LRRC7: variants seen among roughly 807,000 people sequenced by gnomAD.
The protein encoded by LRRC7 is leucine rich repeat containing 7, also known as leucine-rich repeat-containing protein 7.
A neutral mutation model predicts 175.7 loss-of-function variants in LRRC7; 23 were observed. That is an observed-to-expected ratio of 0.13 (90% CI 0.09 to 0.19). LRRC7 has a LOEUF of 0.19. Ranked by LOEUF, LRRC7 falls within the 10% of genes least tolerant of loss-of-function variation. The pLI, the probability that LRRC7 is intolerant of heterozygous loss-of-function variation, is 1.00. For synonymous variants in LRRC7, 685 were observed against 680.9 expected, an observed-to-expected ratio of 1.01 and a Z score of -0.09; for missense variants, 1,354 against 1,904.7, an observed-to-expected ratio of 0.71 and a Z score of 5.38.
At chr1:69,609,327 T>C (rs191836986) in intron 1 of LRRC7, among the ~76,000 whole-genome samples, 56 of 152,030 alleles carry the variant, frequency 3.7e-4, no homozygotes, top group Admixed American at 2.6e-3. Flanking sequence ...TGATTTAATA[T>C]GTTAATCTAT....
In LRRC7 at chr1:69,933,575, A is replaced by G. The variant is rs577683403; in HGVS notation, c.711+2005A>G. ...CTCTCTAACTTCAACTTCCTTATCA[A>G]TACAGTAAGGGCATCAGTCTTCTCT... On this transcript the variant is annotated intron_variant, in intron 8 of 26. Coordinates refer to ENST00000651989, the MANE Select transcript of LRRC7 (RefSeq NM_001370785.2). Among the ~76,000 whole-genome samples, 14 of 152,296 alleles carry G rather than the reference A, an allele frequency of 9.2e-5. No individual in the cohort carries two copies. In the South Asian group the frequency reaches 2.7e-3, roughly 29 times the overall value.
intron 5 of LRRC7, among the ~76,000 whole-genome samples, chr1:69,832,948 T>C (rs1680691786): frequency 1.3e-5 from 2 of 152,042 alleles, no homozygotes; most frequent in East Asian, 3.9e-4. Context: ...CAACTAAAAA[T>C]ACAAAAATTA....
intron 7 of LRRC7, among the ~76,000 whole-genome samples, chr1:69,906,619 A>G (rs1646322256): frequency 1.3e-5 from 2 of 152,058 alleles, no homozygotes; most frequent in African/African-American, 4.8e-5. Context: ...ATTGATCTAT[A>G]TCTCTGTTTT....
chr1:69,679,009 A>C, intron 2 of LRRC7, among the ~76,000 whole-genome samples: 1 of 152,256 alleles, frequency 6.6e-6, no homozygotes, highest in Non-Finnish European at 1.5e-5. Context: ...GTTCTGAAAG[A>C]TAGATACCAT....
intron 25 of LRRC7, among the ~76,000 whole-genome samples, chr1:70,101,453 A>G (rs1571327377): frequency 6.6e-6 from 1 of 152,342 alleles, no homozygotes; most frequent in East Asian, 1.9e-4. Flanking sequence ...TACATTTACA[A>G]TGGCTGAGAC....
chr1:70,046,681 A>G (rs914316374), intron 22 of LRRC7, among the ~76,000 whole-genome samples: 5 of 152,136 alleles, frequency 3.3e-5, no homozygotes, highest in African/African-American at 1.2e-4. Context: ...CCAATGCAGG[A>G]ACCTTATCAG....
rs1172781241 is a variant in LRRC7, at chr1:69,803,511, TG to T, written c.421+11352del. On this transcript the variant is annotated intron_variant, in intron 4 of 26. Coordinates refer to ENST00000651989, the MANE Select transcript of LRRC7 (RefSeq NM_001370785.2). The stretch of plus-strand genomic sequence containing the variant: ...ACTTTAAGTTGTTAGCTTTACAAAT[TG>T]TATCACTTTTTAAGAAATGCATTTT... Among the ~76,000 whole-genome samples the T allele has an allele frequency of 2.0e-5, 3 of 151,546 alleles. No homozygotes were observed. In the East Asian group the frequency reaches 5.8e-4, roughly 29 times the overall value.
chr1:70,031,676 A>G (rs1321910003), intron 18 of LRRC7, among the ~76,000 whole-genome samples: 1 of 152,206 alleles, frequency 6.6e-6, no homozygotes. Flanking sequence ...ATCTTCTCAC[A>G]GCTAGGAATC....
intron 7 of LRRC7, chr1:69,920,276 C>T (rs1646850228): frequency 6.6e-6 from 1 of 151,726 alleles, no homozygotes; most frequent in Admixed American, 6.6e-5. Context: ...CTCTGAGCAA[C>T]TTTGCAGCAC....
intron 7 of LRRC7, 97 bp downstream of exon 7, chr1:69,838,380 G>A (rs1467466038): frequency 3.0e-6 from 3 of 988,012 alleles, no homozygotes; most frequent in Non-Finnish European, 4.7e-6. Flanking sequence ...GGCACTTTGA[G>A]TTAATTTATC....
intron 10 of LRRC7, among the ~76,000 whole-genome samples, chr1:69,990,606 T>G (rs1226762547): frequency 6.6e-6 from 1 of 152,100 alleles, no homozygotes; most frequent in Non-Finnish European, 1.5e-5. Context: ...AACTTTAGAA[T>G]TTGCATGATA....
intron 23 of LRRC7, among the ~76,000 whole-genome samples, chr1:70,075,627 C>T (rs996267054): frequency 2.0e-4 from 31 of 152,174 alleles, no homozygotes; most frequent in African/African-American, 7.5e-4. Flanking sequence ...ATTGGTTTTA[C>T]TCATCTGAAC....
rs545710944 is a variant in LRRC7 at position 69,636,306 on chromosome 1, T to C, written c.3-42075T>C. 1.5e-4 allele frequency among the ~76,000 whole-genome samples: 23 copies of C among 152,092 alleles called. No homozygotes were observed. In the East Asian group the frequency reaches 4.3e-3, roughly 28 times the overall value. On this transcript the variant is annotated intron_variant, in intron 1 of 26. Coordinates refer to ENST00000651989, the MANE Select transcript of LRRC7 (RefSeq NM_001370785.2). Reference sequence around the variant, plus strand: ...AGTTTCATCTGTTAGGCATTTTTCTTAGGCAAAATGAGAATTCAAAGTCCA... The same window carrying C: ...AGTTTCATCTGTTAGGCATTTTTCTCAGGCAAAATGAGAATTCAAAGTCCA...
intron 5 of LRRC7, among the ~76,000 whole-genome samples, chr1:69,827,079 G>GA (rs932826917): frequency 3.3e-5 from 5 of 151,260 alleles, no homozygotes; most frequent in Admixed American, 2.0e-4. Context: ...AATAGGGAGG[G>GA]AAAAAAAAGA....
chr1:69,928,803 C>T (rs897790392), intron 7 of LRRC7, among the ~76,000 whole-genome samples: 3 of 152,182 alleles, frequency 2.0e-5, no homozygotes, highest in East Asian at 1.9e-4. Context: ...GTGCACAGTG[C>T]GCTGCGCCCA....
chr1:69,632,789 A>G lies in LRRC7; in HGVS notation c.3-45592A>G, dbSNP rs1340891449. 2.6e-5 allele frequency among the ~76,000 whole-genome samples: 4 copies of G among 152,172 alleles called. No individual in the cohort carries two copies. In the South Asian group the frequency reaches 8.3e-4, roughly 31 times the overall value. On this transcript the variant is annotated intron_variant, in intron 1 of 26. Transcript: ENST00000651989. ...GACTAGAATAATGACTATATATGGG[A>G]TTAATGAATAAATATGTAATTTTAT...
At chr1:69,729,577 G>A (rs1667339573) in intron 2 of LRRC7, among the ~76,000 whole-genome samples, 2 of 152,174 alleles carry the variant, frequency 1.3e-5, no homozygotes, top group East Asian at 1.9e-4. Context: ...TCACATCTAG[G>A]TCAGGCTGAT....
intron 26 of LRRC7, among the ~76,000 whole-genome samples, chr1:70,116,148 T>A (rs1665832088): frequency 6.6e-6 from 1 of 152,256 alleles, no homozygotes; most frequent in Non-Finnish European, 1.5e-5. Flanking sequence ...GAGTTTCTAT[T>A]CAAATAATTC....
chr1:69,998,018 A>C (rs972169883), intron 11 of LRRC7, among the ~76,000 whole-genome samples: 16 of 152,078 alleles, frequency 1.1e-4, no homozygotes, highest in African/African-American at 3.9e-4. Flanking sequence ...TCGGCTGTGA[A>C]TCCATCTGGT....
Sources: allele counts gnomAD v4.1 joint callset (sites outside exome capture counted in the v4.1 genomes callset), GRCh38; gene constraint gnomAD v4.1.1; transcripts MANE v1.5; gene names NCBI Gene and HGNC (gene_info 2026-07-23, HGNC 2026-07-21).